The following SCD5 variants were observed in gnomAD, a reference collection of about 807,000 sequenced individuals.
SCD5 encodes the protein stearoyl-CoA desaturase 5, also known as acyl-CoA-desaturase 4.
In SCD5, 20 loss-of-function variants were observed where a neutral mutation model predicts 30.4. The observed-to-expected ratio is 0.66, with a 90% CI of 0.46 to 0.96. The LOEUF (loss-of-function observed/expected upper bound fraction) is 0.96, where lower values mean the gene tolerates loss of function less well. SCD5 is among the 40% of genes least tolerant of loss of function. SCD5 has a pLI of 0.00. For synonymous variants in SCD5, 173 were observed against 176.4 expected (o/e 0.98, Z 0.16); for missense variants, 381 against 443.3 (o/e 0.86, Z 1.26).
intron 1 of SCD5, among the ~76,000 whole-genome samples, chr4:82,708,940 G>T (rs1455907116): frequency 6.6e-6 from 1 of 152,168 alleles, no homozygotes; most frequent in Admixed American, 6.5e-5. Flanking sequence ...AGCTTTCTAT[G>T]TGCCAGGCCC....
chr4:82,773,360 A>G (rs1248710956), intron 1 of SCD5, among the ~76,000 whole-genome samples: 1 of 152,108 alleles, frequency 6.6e-6, no homozygotes, highest in Non-Finnish European at 1.5e-5. Context: ...ACCTCCTTCC[A>G]GGGCATCCTG....
At chr4:82,704,813 C>T (rs1416221378) in intron 2 of SCD5, among the ~76,000 whole-genome samples, 1 of 152,186 alleles carries the variant, frequency 6.6e-6, no homozygotes, top group Non-Finnish European at 1.5e-5. Flanking sequence ...ATTTGCCTAG[C>T]CCTGAATGTA....
At chr4:82,639,484 A>C (rs917798580) in intron 3 of SCD5, among the ~76,000 whole-genome samples, 1 of 152,280 alleles carries the variant, frequency 6.6e-6, no homozygotes, top group African/African-American at 2.4e-5. Context: ...TTATCCTTGC[A>C]TCATCTGGGC....
Position 82,636,806 on chromosome 4 carries a change from A to C in SCD5, c.587T>G (p.Val196Gly), listed in dbSNP as rs1007023054. The change falls in exon 4 of 5, where the codon GTG (valine) becomes GGG (glycine). Residue 196 changes from valine (V) to glycine (G), a missense_variant. By Grantham distance (109) the Val-to-Gly change is moderately radical. Coordinates refer to ENST00000319540, the MANE Select transcript of SCD5 (RefSeq NM_001037582.3). ...RIQRKYYKIS[V>G]VLMCFVVPTL... The stretch of plus-strand genomic sequence containing the variant: ...GGGGACCACAAAGCACATGAGCACC[A>C]CGGAGATCTTATAGTACCTACAGGG... 1 of 1,613,264 alleles carries C rather than the reference A, an allele frequency of 6.2e-7. No individual in the cohort carries two copies. The highest frequency in any genetic ancestry group is 8.5e-7 in the Non-Finnish European group (1 of 1,179,514).
At chr4:82,732,337 A>G (rs551221109) in intron 1 of SCD5, among the ~76,000 whole-genome samples, 30 of 152,212 alleles carry the variant, frequency 2.0e-4, no homozygotes, top group African/African-American at 7.2e-4. Context: ...TGATCCGCCT[A>G]CCTTGGCCTC....
chr4:82,752,768 C>T (rs1490142067), intron 1 of SCD5, among the ~76,000 whole-genome samples: 1 of 152,154 alleles, frequency 6.6e-6, no homozygotes, highest in African/African-American at 2.4e-5. Flanking sequence ...TCTTCACACA[C>T]ACAGCTACAT....
At chr4:82,754,929 ACAGAAG>A (rs1458721054) in intron 1 of SCD5, among the ~76,000 whole-genome samples, 1 of 152,178 alleles carries the variant, frequency 6.6e-6, no homozygotes, top group Non-Finnish European at 1.5e-5. Context: ...ACTCAGAGGA[ACAGAAG>A]CAACAAGACA....
At chr4:82,666,963 T>C (rs1014706785) in intron 3 of SCD5, among the ~76,000 whole-genome samples, 2 of 152,102 alleles carry the variant, frequency 1.3e-5, no homozygotes, top group African/African-American at 4.8e-5. Context: ...ACTATAGCAA[T>C]CTAGGGGAAA....
At chr4:82,689,713 C>A (rs905969988) in intron 2 of SCD5, among the ~76,000 whole-genome samples, 18 of 152,146 alleles carry the variant, frequency 1.2e-4, no homozygotes, top group African/African-American at 1.7e-4. Context: ...GGCTCATAAT[C>A]TTTGCATAAA....
At chr4:82,718,368 T>C (rs1183069778) in intron 1 of SCD5, among the ~76,000 whole-genome samples, 1 of 151,770 alleles carries the variant, frequency 6.6e-6, no homozygotes, top group African/African-American at 2.4e-5. Context: ...GAGCTGTTTC[T>C]CTCCGTCCTC....
intron 2 of SCD5, among the ~76,000 whole-genome samples, chr4:82,694,071 G>A (rs967289325): frequency 1.3e-5 from 2 of 152,232 alleles, no homozygotes; most frequent in East Asian, 1.9e-4. Context: ...GCAACCTCCA[G>A]AGCATGGGCA....
chr4:82,659,078 C>T (rs1727929930), intron 3 of SCD5, among the ~76,000 whole-genome samples: 1 of 152,042 alleles, frequency 6.6e-6, no homozygotes, highest in African/African-American at 2.4e-5. Flanking sequence ...TGGATGTGTT[C>T]AGGAATTTAT....
intron 1 of SCD5, among the ~76,000 whole-genome samples, chr4:82,717,165 A>G (rs1720245642): frequency 6.6e-6 from 1 of 151,866 alleles, no homozygotes; most frequent in Admixed American, 6.5e-5. Flanking sequence ...TTCAATAAAT[A>G]TTACTGCAAA....
intron 2 of SCD5, among the ~76,000 whole-genome samples, chr4:82,697,331 GT>G (rs922961230): frequency 1.3e-5 from 2 of 152,110 alleles, no homozygotes; most frequent in South Asian, 2.1e-4. Context: ...AAGTATTGCG[GT>G]TTTTTTGGTT....
chr4:82,742,092 A>C (rs1194562522), intron 1 of SCD5, among the ~76,000 whole-genome samples: 1 of 152,080 alleles, frequency 6.6e-6, no homozygotes, highest in Non-Finnish European at 1.5e-5. Context: ...AAAAAAAAAA[A>C]AAGAAAGATG....
intron 1 of SCD5, among the ~76,000 whole-genome samples, chr4:82,755,418 T>G (rs897749576): frequency 1.3e-5 from 2 of 152,152 alleles, no homozygotes; most frequent in African/African-American, 4.8e-5. Context: ...GGGAATCATT[T>G]GAACCTGGGA....
At chr4:82,690,565 G>C (rs1229476112) in intron 2 of SCD5, among the ~76,000 whole-genome samples, 1 of 151,998 alleles carries the variant, frequency 6.6e-6, no homozygotes, top group East Asian at 1.9e-4. Context: ...CCTTCTAACT[G>C]CCTCCCACTT....
chr4:82,653,687 T>C (rs79137167), intron 3 of SCD5, among the ~76,000 whole-genome samples: 8 of 100,872 alleles, frequency 7.9e-5, no homozygotes, highest in Admixed American at 9.2e-5. Context: ...GATAGATAGA[T>C]AGATAGATAG....
At chr4:82,780,041 T>A (rs537192768) in intron 1 of SCD5, among the ~76,000 whole-genome samples, 41 of 152,370 alleles carry the variant, frequency 2.7e-4, no homozygotes, top group African/African-American at 9.9e-4. Context: ...TTCATAGAGT[T>A]ACTATGTGGA....
Sources: gnomAD v4.1 joint callset for allele counts (sites outside exome capture counted in the v4.1 genomes callset) on GRCh38, gnomAD v4.1.1 for gene constraint, MANE v1.5 for transcripts, NCBI Gene and HGNC (gene_info 2026-07-23, HGNC 2026-07-21) for gene names.